Variants in ABTB3 observed in about 807,000 individuals in gnomAD.
ABTB3 encodes ankyrin repeat and BTB domain containing 3.
chr12:107,339,288 G>A, the ABTB3 span, among the ~76,000 whole-genome samples: 1 of 152,236 alleles, frequency 6.6e-6, no homozygotes, highest in South Asian at 2.1e-4. Flanking sequence ...CACATGCCTC[G>A]GCTCAGCTAT....
chr12:107,426,260 A>G, the ABTB3 span, among the ~76,000 whole-genome samples: 2 of 152,214 alleles, frequency 1.3e-5, no homozygotes, highest in African/African-American at 4.8e-5. Flanking sequence ...AGGCAGGCCC[A>G]AGGTAGATCG....
At chr12:107,595,570 T>C in the ABTB3 span, among the ~76,000 whole-genome samples, 1 of 152,158 alleles carries the variant, frequency 6.6e-6, no homozygotes, top group African/African-American at 2.4e-5. Flanking sequence ...ATCTAATAGT[T>C]TGTTGACCAG....
chr12:107,348,916 C>G, the ABTB3 span, among the ~76,000 whole-genome samples: 1 of 152,120 alleles, frequency 6.6e-6, no homozygotes, highest in Non-Finnish European at 1.5e-5. Flanking sequence ...AGGGGGGGAC[C>G]CTAGGCAGAG....
chr12:107,657,520 C>G, the ABTB3 span: 6 of 1,614,106 alleles, frequency 3.7e-6, no homozygotes, highest in African/African-American at 1.3e-5. Context: ...TTCTTGGAGT[C>G]ACAGAGCTCT....
the ABTB3 span, among the ~76,000 whole-genome samples, chr12:107,537,206 A>T: frequency 1.3e-5 from 2 of 152,204 alleles, no homozygotes; most frequent in African/African-American, 4.8e-5. Flanking sequence ...AGAGACTAAC[A>T]TTATAGACAT....
At chr12:107,420,887 A>G in the ABTB3 span, among the ~76,000 whole-genome samples, 2 of 152,038 alleles carry the variant, frequency 1.3e-5, no homozygotes, top group East Asian at 3.9e-4. Context: ...CCTGCTTTCT[A>G]TTTTTCTTCC....
chr12:107,440,962 T>G, the ABTB3 span, among the ~76,000 whole-genome samples: 1 of 152,148 alleles, frequency 6.6e-6, no homozygotes, highest in Non-Finnish European at 1.5e-5. Flanking sequence ...CAGCTGGAAG[T>G]GACTTGCTCA....
the ABTB3 span, among the ~76,000 whole-genome samples, chr12:107,321,640 T>C: frequency 6.6e-6 from 1 of 150,806 alleles, no homozygotes; most frequent in Non-Finnish European, 1.5e-5. Context: ...CATCCTGAAA[T>C]ATCGACTAAG....
chr12:107,391,612 CCA>C, the ABTB3 span, among the ~76,000 whole-genome samples: 1 of 152,160 alleles, frequency 6.6e-6, no homozygotes, highest in Admixed American at 6.5e-5. Flanking sequence ...CATGTGGACC[CCA>C]GACTTTAACC....
the ABTB3 span, among the ~76,000 whole-genome samples, chr12:107,330,124 G>A: frequency 6.6e-6 from 1 of 152,292 alleles, no homozygotes; most frequent in East Asian, 1.9e-4. Flanking sequence ...GCCTGTGGCA[G>A]GGGAGAGCAT....
chr12:107,446,797 C>G, the ABTB3 span, among the ~76,000 whole-genome samples: 1 of 152,184 alleles, frequency 6.6e-6, no homozygotes. Flanking sequence ...TCCCAGCTGT[C>G]TTGCTGGCAT....
At chr12:107,477,906 A>G in the ABTB3 span, among the ~76,000 whole-genome samples, 48 of 152,302 alleles carry the variant, frequency 3.2e-4, no homozygotes, top group African/African-American at 1.1e-3. Context: ...AGTCAGTTAT[A>G]CTGTCCCAGT....
At chr12:107,370,622 A>T in the ABTB3 span, among the ~76,000 whole-genome samples, 1 of 152,090 alleles carries the variant, frequency 6.6e-6, no homozygotes, top group Non-Finnish European at 1.5e-5. Context: ...GAAGCATGGG[A>T]AGTGTTGCAG....
the ABTB3 span, among the ~76,000 whole-genome samples, chr12:107,350,636 A>G: frequency 6.6e-6 from 1 of 152,100 alleles, no homozygotes; most frequent in Non-Finnish European, 1.5e-5. Flanking sequence ...GAGGCACACA[A>G]TTGGTGTCTC....
chr12:107,607,289 A>G, the ABTB3 span, among the ~76,000 whole-genome samples: 1 of 152,200 alleles, frequency 6.6e-6, no homozygotes, highest in Non-Finnish European at 1.5e-5. Flanking sequence ...CAAGGCCCCC[A>G]TGAGGTGTGC....
chr12:107,563,648 A>AT, the ABTB3 span, among the ~76,000 whole-genome samples: 10,608 of 152,070 alleles, frequency 0.07, 498 homozygotes, highest in Non-Finnish European at 0.1. Flanking sequence ...GGGAAAAAAA[A>AT]AACTATTGTG....
chr12:107,610,026 A>C, the ABTB3 span: 1 of 769,780 alleles, frequency 1.3e-6, no homozygotes, highest in Non-Finnish European at 2.1e-6. Flanking sequence ...CATAAAGGAC[A>C]AAGGATCAAG....
At chr12:107,622,031 A>G in the ABTB3 span, among the ~76,000 whole-genome samples, 3 of 152,168 alleles carry the variant, frequency 2.0e-5, no homozygotes, top group East Asian at 3.8e-4. Context: ...GCTTGAGCCC[A>G]GGAGTTCGAG....
At chr12:107,620,128 C>A in the ABTB3 span, 1 of 1,614,066 alleles carries the variant, frequency 6.2e-7, no homozygotes, top group African/African-American at 1.3e-5. Context: ...TTACCCAAGG[C>A]CTGCCCCTGA....
Sources: allele counts gnomAD v4.1 joint callset (sites outside exome capture counted in the v4.1 genomes callset), GRCh38; gene constraint gnomAD v4.1.1; transcripts MANE v1.5; gene names NCBI Gene and HGNC (gene_info 2026-07-23, HGNC 2026-07-21).